LAMB2: variants seen among roughly 807,000 people sequenced by gnomAD.
The protein encoded by LAMB2 is laminin subunit beta 2, also known as laminin subunit beta-2.
In LAMB2, 119 loss-of-function variants were observed where a neutral mutation model predicts 202.7. The observed-to-expected ratio is 0.59, with a 90% CI of 0.51 to 0.68. LAMB2 has a LOEUF of 0.68. Among genes scored for constraint, LAMB2 ranks in the 30% least tolerant of loss-of-function variants. The pLI is 0.00. For missense variants in LAMB2, 2,124 were observed against 2,410.6 expected (o/e 0.88, Z 2.49); for synonymous variants, 818 against 902.2 (o/e 0.91, Z 1.67).
At position 49,131,866 on chromosome 3, in the gene LAMB2, C is replaced by A; in HGVS notation, c.460-143G>T. On this transcript the variant is annotated intron_variant, in intron 4 of 31. Transcript: ENST00000305544. This position sits in a 1 kb window ranked among gnomAD's most constrained non-coding sequence, Gnocchi z 5.0. The stretch of plus-strand genomic sequence containing the variant: ...CTGGTGGAAGCCAGATAATGACCAG[C>A]AAAGGTAGCCACCTCTAATGGGGAG... 1 of 961,544 alleles carries A rather than the reference C, an allele frequency of 1.0e-6. No homozygotes were observed. Among genetic ancestry groups the A allele is most frequent in the South Asian group, 1.4e-5 (1 of 70,130 alleles). The allele number at this position is 961,544 out of a possible 1,614,324, so 59.6% of individuals were successfully genotyped here.
In LAMB2 at chr3:49,132,049, G is replaced by A. The variant is rs1022556401; in HGVS notation, c.459+67C>T. 6 of 1,456,824 alleles carry A rather than the reference G, an allele frequency of 4.1e-6. No homozygotes were observed. The highest frequency in any genetic ancestry group is 5.8e-6 in the Non-Finnish European group (6 of 1,037,296). 90.2% of individuals were successfully genotyped at this position (1,456,824 alleles called of 1,614,324 possible). A position where few individuals can be genotyped will look rare whatever the true frequency, so the allele number is the denominator to read the frequency against. On this transcript the variant is annotated intron_variant, in intron 4 of 31. Coordinates refer to ENST00000305544, the MANE Select transcript of LAMB2 (RefSeq NM_002292.4). This position sits in a 1 kb window ranked among gnomAD's most constrained non-coding sequence, Gnocchi z 4.6. ...CAAGGAGGCTGTGTTAAGGAGCTGA[G>A]GCTCTGTCCAGGGGCAATGGAGAGC... is the stretch of plus-strand genomic sequence containing the variant.
In LAMB2 at chr3:49,131,328, A is replaced by T; in HGVS notation, c.712+51T>A. The T allele has an allele frequency of 6.3e-7, 1 of 1,593,906 alleles. No homozygotes were observed. Among genetic ancestry groups the T allele is most frequent in the South Asian group, 1.1e-5 (1 of 90,468 alleles). On this transcript the variant is annotated intron_variant, in intron 6 of 31. Coordinates refer to ENST00000305544, the MANE Select transcript of LAMB2 (RefSeq NM_002292.4). The surrounding 1 kb of genome is among the most constrained non-coding windows in gnomAD (Gnocchi z 5.0). Reference sequence around the variant, plus strand: ...CAAAATAGTTACTGAGGCCCCAAATAGTCCCTAGCCGGACACGGACTGTGC... The same window carrying T: ...CAAAATAGTTACTGAGGCCCCAAATTGTCCCTAGCCGGACACGGACTGTGC...
In LAMB2 at chr3:49,125,107, G is replaced by A. The variant is rs768513762; in HGVS notation, c.2783C>T (p.Pro928Leu). 8 of 1,613,772 alleles carry A rather than the reference G, an allele frequency of 5.0e-6. No homozygotes were observed. Among genetic ancestry groups the A allele is most frequent in the Non-Finnish European group, 6.8e-6 (8 of 1,179,998 alleles). ...LPYGGQCRPCPCPEGPGSQRH... is the reference protein window; with the variant it reads ...LPYGGQCRPCLCPEGPGSQRH... ...TTGGCTCCCAGGGCCTTCAGGACAG[G>A]GACAGGGCCGGCACTGGCCCCCATA... The change falls in exon 20 of 32, where the codon CCC becomes CTC. Residue 928 changes from proline to leucine, a missense_variant. Pro to Leu is a moderately conservative substitution (Grantham distance 98). This residue lies in a region of LAMB2 where 1,702 missense variants were observed against 1,896.3 expected (regional missense o/e 0.90). Transcript: ENST00000305544.
chr3:49,125,181 A>T lies in LAMB2; in HGVS notation c.2721-12T>A. On this transcript the variant is annotated splice_polypyrimidine_tract_variant and intron_variant, in intron 19 of 31. Transcript: ENST00000305544. ...AACCAGCAATGCACCTGCAGGGAGG[A>T]GGAAGAAGAAATGTGTCATCCCTGG... 6.2e-7 allele frequency: 1 copy of T among 1,613,438 alleles called. No individual in the cohort carries two copies. Among genetic ancestry groups the T allele is most frequent in the Middle Eastern group, 1.6e-4 (1 of 6,062 alleles).
intron 18 of LAMB2, 97 bp downstream of exon 18, chr3:49,125,650 T>C (rs1471595771): frequency 2.0e-6 from 3 of 1,530,854 alleles, no homozygotes; most frequent in African/African-American, 1.4e-5. Flanking sequence ...GTCCAAGACT[T>C]AGTTTGAGGA....
rs1326602371 is a variant in LAMB2, at chr3:49,130,196, C to T, written c.1225+35G>A. 4 of 1,611,760 alleles carry T rather than the reference C, an allele frequency of 2.5e-6. No individual in the cohort carries two copies. The highest frequency in any genetic ancestry group is 3.4e-5 in the Admixed American group (2 of 59,688). On this transcript the variant is annotated intron_variant, in intron 9 of 31. Transcript: ENST00000305544. The surrounding 1 kb of genome is among the most constrained non-coding windows in gnomAD (Gnocchi z 5.0). ...AGCTCTCTAGTTCCTGCCCCAGGCT[C>T]AGCTTTCTCTCCCCGTGCCCAATCC...
rs777850212 is a variant in LAMB2, at chr3:49,126,162, G to A, written c.2152-3C>T. The A allele has an allele frequency of 1.9e-6, 3 of 1,611,636 alleles. No individual in the cohort carries two copies. In the East Asian group the frequency reaches 6.7e-5, roughly 36 times the overall value. ...AGGACACGGGGCAGCAGCACCAGCT[G>A]AAGGAGTGAGCAAGGAAGATCGCAG... On this transcript the variant is annotated splice_polypyrimidine_tract_variant and splice_region_variant and intron_variant, in intron 16 of 31. Coordinates refer to ENST00000305544, the MANE Select transcript of LAMB2 (RefSeq NM_002292.4).
chr3:49,130,152 G>A lies in LAMB2; in HGVS notation c.1225+79C>T, dbSNP rs2045465534. 1.3e-6 allele frequency: 2 copies of A among 1,594,052 alleles called. No individual in the cohort carries two copies. Among genetic ancestry groups the A allele is most frequent in the Non-Finnish European group, 1.7e-6 (2 of 1,164,736 alleles). On this transcript the variant is annotated intron_variant, in intron 9 of 31. Transcript: ENST00000305544. This position sits in a 1 kb window ranked among gnomAD's most constrained non-coding sequence, Gnocchi z 5.0. Reference sequence around the variant, plus strand: ...CCCAAGCCCCTAACCCCAATTTCCTGCAATTTAGACAGCAGTCCAGCTCTC... The same window carrying A: ...CCCAAGCCCCTAACCCCAATTTCCTACAATTTAGACAGCAGTCCAGCTCTC...
Position 49,125,832 on chromosome 3 carries a change from C to G in LAMB2, c.2403G>C (p.Gln801His), listed in dbSNP as rs2045407916. The change falls in exon 18 of 32, where the codon CAG (glutamine) becomes CAC (histidine). Residue 801 changes from glutamine (Q) to histidine (H), a missense_variant. This residue lies in a region of LAMB2 where 1,702 missense variants were observed against 1,896.3 expected (regional missense o/e 0.90). Coordinates refer to ENST00000305544, the MANE Select transcript of LAMB2 (RefSeq NM_002292.4). ...CAACCACTCCAGGCTTGCACAGGCA[C>G]TGACCACCATGAGGGTTGCACTCAG... ...LSSECNPHGG[Q>H]CLCKPGVVGR... is the part of the protein sequence containing the mutation. 7 of 1,614,194 alleles carry G rather than the reference C, an allele frequency of 4.3e-6. No individual in the cohort carries two copies. The highest frequency in any genetic ancestry group is 1.6e-4 in the Middle Eastern group (1 of 6,062).
chr3:49,124,191 A>G lies in LAMB2; in HGVS notation c.3423T>C (p.His1141=). Residue 1141 remains histidine (H), a splice_region_variant and synonymous_variant, in exon 23 of 32, where the codon CAT becomes CAC. Transcript: ENST00000305544. ...LHWGDPGLQC[H]ACDCDSRGID... ...CCCTGGCCCCGCTGGCTCCCTCACC[A>G]TGGCACTGCAACCCAGGGTCTCCCC... The G allele has an allele frequency of 6.2e-7, 1 of 1,614,074 alleles. No individual in the cohort carries two copies.
chr3:49,131,256 C>A lies in LAMB2; in HGVS notation c.713-104G>T. The A allele has an allele frequency of 6.8e-7, 1 of 1,461,744 alleles. No individual in the cohort carries two copies. Among genetic ancestry groups the A allele is most frequent in the East Asian group, 2.4e-5 (1 of 42,508 alleles). 90.5% of individuals were successfully genotyped at this position (1,461,744 alleles called of 1,614,324 possible). ...GTCACCTTGAAAGACCTCCTATACA[C>A]TGCCACCCGAGCTAAACTGGGCTTG... On this transcript the variant is annotated intron_variant, in intron 6 of 31. Transcript: ENST00000305544. This position sits in a 1 kb window ranked among gnomAD's most constrained non-coding sequence, Gnocchi z 5.0.
At chr3:49,128,060 A>AGAAACAT (rs1264199949) in intron 15 of LAMB2, among the ~76,000 whole-genome samples, 2 of 151,588 alleles carry the variant, frequency 1.3e-5, no homozygotes, top group South Asian at 2.1e-4. Flanking sequence ...GAAAAAAAAA[A>AGAAACAT]GAAACATGAA....
At position 49,128,738 on chromosome 3, in the gene LAMB2, C is replaced by A. The variant is rs749631237; in HGVS notation, c.1813G>T (p.Gly605Cys). ...GCCACCAGGAACTCCAGGGTCTGAC[C>A]TTCCTGTAGCCGCACGAAGCCTGAG... ...TGSGFVRLQE[G>C]QTLEFLVASV... Residue 605 changes from glycine to cysteine, a missense_variant, in exon 14 of 32, where the codon GGT becomes TGT. Transcript: ENST00000305544. The A allele has an allele frequency of 1.2e-6, 2 of 1,614,162 alleles. No individual in the cohort carries two copies. The highest frequency in any genetic ancestry group is 1.7e-6 in the Non-Finnish European group (2 of 1,180,034).
Position 49,132,263 on chromosome 3 carries a change from G to A in LAMB2, c.385+7C>T, listed in dbSNP as rs766856881. ...CCTGCTCACTTTTGCCCCACCCATG[G>A]CCTCACCATTCTCTGACTGCCACCA... On this transcript the variant is annotated splice_region_variant and intron_variant, in intron 3 of 31. Coordinates refer to ENST00000305544, the MANE Select transcript of LAMB2 (RefSeq NM_002292.4). The surrounding 1 kb of genome is among the most constrained non-coding windows in gnomAD (Gnocchi z 4.6). The A allele has an allele frequency of 1.2e-6, 2 of 1,614,208 alleles. No individual in the cohort carries two copies. The highest frequency in any genetic ancestry group is 2.7e-5 in the African/African-American group (2 of 75,054).
At chr3:49,127,742 T>C (rs952917988) in intron 15 of LAMB2, among the ~76,000 whole-genome samples, 5 of 147,740 alleles carry the variant, frequency 3.4e-5, no homozygotes, top group Non-Finnish European at 7.4e-5. Context: ...GAAACAGGGC[T>C]GGGCACGGTG....
At chr3:49,126,800 T>C (rs1004583574) in intron 15 of LAMB2, among the ~76,000 whole-genome samples, 1 of 152,122 alleles carries the variant, frequency 6.6e-6, no homozygotes, top group African/African-American at 2.4e-5. Flanking sequence ...ACCTCACGCT[T>C]CCTCTGACCC....
Position 49,126,173 on chromosome 3 carries a change from C to T in LAMB2, c.2152-14G>A, listed in dbSNP as rs921498722. ...CAGCAGCACCAGCTGAAGGAGTGAG[C>T]AAGGAAGATCGCAGTTCAGACCTGG... On this transcript the variant is annotated splice_polypyrimidine_tract_variant and intron_variant, in intron 16 of 31. Coordinates refer to ENST00000305544, the MANE Select transcript of LAMB2 (RefSeq NM_002292.4). 6.2e-7 allele frequency: 1 copy of T among 1,611,118 alleles called. No homozygotes were observed.
Position 49,122,967 on chromosome 3 carries a change from C to T in LAMB2, c.4310G>A (p.Cys1437Tyr). 6.2e-7 allele frequency: 1 copy of T among 1,608,898 alleles called. No individual in the cohort carries two copies. Among genetic ancestry groups the T allele is most frequent in the Non-Finnish European group, 8.5e-7 (1 of 1,179,920 alleles). The change falls in exon 27 of 32, where the codon TGT becomes TAT. Residue 1437 changes from cysteine (C) to tyrosine (Y), a missense_variant. This residue lies in a region of LAMB2 where 1,702 missense variants were observed against 1,896.3 expected (regional missense o/e 0.90). Coordinates refer to ENST00000305544, the MANE Select transcript of LAMB2 (RefSeq NM_002292.4). ...GCRDEDGQPR[C>Y]GGLSCNGAAA... ...TGCCCCATTGCAGCTGAGGCCCCCACAGCGCGGCTGCCCATCCTCATCTCG... is the reference window on the plus strand; with the variant it reads ...TGCCCCATTGCAGCTGAGGCCCCCATAGCGCGGCTGCCCATCCTCATCTCG...
At position 49,129,248 on chromosome 3, in the gene LAMB2, G is replaced by A. The variant is rs760500807; in HGVS notation, c.1595C>T (p.Pro532Leu). The A allele has an allele frequency of 3.1e-6, 5 of 1,614,022 alleles. No homozygotes were observed. The highest frequency in any genetic ancestry group is 4.2e-6 in the Non-Finnish European group (5 of 1,179,978). Residue 532 changes from proline to leucine, a missense_variant, in exon 12 of 32, where the codon CCC becomes CTC. Physicochemically the swap from Pro to Leu is moderately conservative, Grantham distance 98. Transcript: ENST00000305544. This position sits in a 1 kb window ranked among gnomAD's most constrained non-coding sequence, Gnocchi z 6.1. ...AGGCCCCCTTTACAACACTTACTGG[G>A]GATCCAAAGCACCACCCACGTCGCA... is the stretch of plus-strand genomic sequence containing the variant. ...CDCDVGGALD[P>L]QCDEGTGQCH... is the part of the protein sequence containing the mutation.
Sources: allele counts gnomAD v4.1 joint callset (sites outside exome capture counted in the v4.1 genomes callset), GRCh38; gene constraint gnomAD v4.1.1; regional missense constraint gnomAD v4.1.1; non-coding constraint Gnocchi (gnomAD v3.1); transcripts MANE v1.5; gene names NCBI Gene and HGNC (gene_info 2026-07-23, HGNC 2026-07-21).